The following NTPCR variants were observed in gnomAD, a reference collection of about 807,000 sequenced individuals.
NTPCR encodes nucleoside-triphosphatase, cancer-related.
NTPCR carries 15 observed loss-of-function variants against 19.5 expected under a neutral mutation model. That is an observed-to-expected ratio of 0.77 (90% CI 0.51 to 1.18). The LOEUF (loss-of-function observed/expected upper bound fraction) is 1.18, where lower values mean the gene tolerates loss of function less well. NTPCR is among the 50% of genes most tolerant of loss of function. The probability of loss-of-function intolerance (pLI) is 0.00; values close to 1 mark genes in which losing one functional copy is unlikely to be tolerated. For synonymous variants in NTPCR, 90 were observed against 95.8 expected (o/e 0.94, Z 0.36); for missense variants, 206 against 240.4 (o/e 0.86, Z 0.95).
intron 4 of NTPCR, among the ~76,000 whole-genome samples, chr1:232,972,555 A>T (rs1418639976): frequency 6.6e-6 from 1 of 152,096 alleles, no homozygotes; most frequent in Non-Finnish European, 1.5e-5. Context: ...CCTCCCAAAA[A>T]GCTGGGACTA....
intron 1 of NTPCR, among the ~76,000 whole-genome samples, chr1:232,954,802 C>A (rs1267310163): frequency 6.6e-6 from 1 of 152,094 alleles, no homozygotes; most frequent in Non-Finnish European, 1.5e-5. Context: ...GCTTACAAAC[C>A]AGTGAGTTCA....
intron 1 of NTPCR, among the ~76,000 whole-genome samples, chr1:232,952,196 A>G (rs1281134131): frequency 2.6e-5 from 4 of 152,080 alleles, no homozygotes; most frequent in East Asian, 1.9e-4. Flanking sequence ...ATAGTAATCT[A>G]TGATTTCTTT....
chr1:232,970,301 CA>C (rs1314395533), intron 4 of NTPCR, among the ~76,000 whole-genome samples, 183 bp downstream of exon 4: 1 of 152,042 alleles, frequency 6.6e-6, no homozygotes, highest in Non-Finnish European at 1.5e-5. Context: ...GATGAAAAAA[CA>C]AACTCGCTTA....
At chr1:232,977,880 G>A (rs534415080) in intron 4 of NTPCR, among the ~76,000 whole-genome samples, 6 of 152,204 alleles carry the variant, frequency 3.9e-5, no homozygotes, top group East Asian at 3.9e-4. Flanking sequence ...GGTGTGCCTC[G>A]TCGGACTCAC....
At chr1:232,970,319 G>T (rs921893846) in intron 4 of NTPCR, among the ~76,000 whole-genome samples, 2 of 152,084 alleles carry the variant, frequency 1.3e-5, no homozygotes, top group African/African-American at 4.8e-5. Context: ...CTTATGGGGG[G>T]GCCTCCTGAC....
At chr1:232,967,092 A>T (rs1213380759) in intron 3 of NTPCR, 1 of 152,168 alleles carries the variant, frequency 6.6e-6, no homozygotes, top group East Asian at 1.9e-4. Flanking sequence ...CTGGGCCCCT[A>T]TTGTTCTAAG....
In NTPCR at chr1:232,959,212, G is replaced by T. The variant is rs142126909; in HGVS notation, c.294+2769G>T. ...GTGGTTTCCCCCATGCTGTTCTCCC[G>T]ATAGTGAGGGAGTTCTCATGAGATC... On this transcript the variant is annotated intron_variant, in intron 3 of 4. Coordinates refer to ENST00000366628, the MANE Select transcript of NTPCR (RefSeq NM_032324.3). 1.6e-3 allele frequency among the ~76,000 whole-genome samples: 238 copies of T among 152,208 alleles called. 1 individual carries two copies. The highest frequency in any genetic ancestry group is 3.4e-3 in the Middle Eastern group (1 of 294).
In NTPCR at chr1:232,956,440, G is replaced by A. The variant is rs747924225; in HGVS notation, c.291G>A (p.Arg97=). ...AGCAGTTGGCACTACCCGTCTTGAG[G>A]AATGTGAGTACGTGATTTCTGCTTT... ...SFEQLALPVL[R]NADCSSGPGQ... The change falls in exon 3 of 5, where the codon AGG becomes AGA. Residue 97 remains arginine (R), a synonymous_variant. Coordinates refer to ENST00000366628, the MANE Select transcript of NTPCR (RefSeq NM_032324.3). 1.9e-6 allele frequency: 3 copies of A among 1,604,050 alleles called. No homozygotes were observed. The South Asian group carries it at 3.3e-5, about 18-fold the overall frequency.
At position 232,980,378 on chromosome 1, in the gene NTPCR, C is replaced by A. The variant is rs964994891; in HGVS notation, c.*2147C>A. 6.6e-6 allele frequency: 1 copy of A among 152,198 alleles called. No individual in the cohort carries two copies. The allele number at this position is 152,198 out of a possible 1,614,324, so 9.4% of individuals were successfully genotyped here. A position where few individuals can be genotyped will look rare whatever the true frequency, so the allele number is the denominator to read the frequency against. Reference sequence around the variant, plus strand: ...CGGTGACAAAGGAGATTTGAACCCACGTCTGCGTGGCTCCAAAGTTCACTC... The same window carrying A: ...CGGTGACAAAGGAGATTTGAACCCAAGTCTGCGTGGCTCCAAAGTTCACTC... On this transcript the variant is annotated 3_prime_UTR_variant, in exon 5 of 5. Coordinates refer to ENST00000366628, the MANE Select transcript of NTPCR (RefSeq NM_032324.3).
chr1:232,955,481 A>T, intron 1 of NTPCR, 76 bp from the exon 2 acceptor site: 1 of 1,258,014 alleles, frequency 7.9e-7, no homozygotes. Flanking sequence ...AGAGTCCACA[A>T]GTGCTGTGTG....
intron 3 of NTPCR, 80 bp downstream of exon 3, chr1:232,956,523 C>G (rs1196430289): frequency 1.0e-6 from 1 of 982,416 alleles, no homozygotes; most frequent in Non-Finnish European, 1.6e-6. Context: ...AACAGAATGC[C>G]TTTTGCTCTT....
intron 3 of NTPCR, among the ~76,000 whole-genome samples, chr1:232,959,265 C>G (rs1002433846): frequency 6.6e-6 from 1 of 152,146 alleles, no homozygotes; most frequent in African/African-American, 2.4e-5. Flanking sequence ...GCAGTTTCCC[C>G]TGCACTCTCT....
chr1:232,970,294 GA>G (rs1231791509), intron 4 of NTPCR, among the ~76,000 whole-genome samples, 176 bp downstream of exon 4: 1 of 152,148 alleles, frequency 6.6e-6, no homozygotes, highest in Admixed American at 6.5e-5. Flanking sequence ...TCTACTTGAT[GA>G]AAAAACAAAC....
intron 3 of NTPCR, among the ~76,000 whole-genome samples, chr1:232,960,087 T>A (rs1668627658): frequency 6.6e-6 from 1 of 151,500 alleles, no homozygotes; most frequent in Non-Finnish European, 1.5e-5. Context: ...TGGTGGCACA[T>A]GCCCGTGTCC....
intron 3 of NTPCR, chr1:232,963,606 A>G (rs561342776): frequency 2.0e-5 from 3 of 152,138 alleles, no homozygotes; most frequent in South Asian, 4.1e-4. Flanking sequence ...ACCACACTCC[A>G]TTAGGAGGAA....
At chr1:232,954,992 T>C (rs1317342005) in intron 1 of NTPCR, among the ~76,000 whole-genome samples, 1 of 152,214 alleles carries the variant, frequency 6.6e-6, no homozygotes, top group African/African-American at 2.4e-5. Flanking sequence ...CTTGCTGTTA[T>C]GAAAAAGTTT....
In NTPCR at chr1:232,958,649, A is replaced by T. The variant is rs1668582219; in HGVS notation, c.294+2206A>T. ...TTCTTCCCCAATTCCTTCCTCTTGG[A>T]ACTTACCCTCAGTTCCTGTGCTGGG... is the stretch of plus-strand genomic sequence containing the variant. On this transcript the variant is annotated intron_variant, in intron 3 of 4. Coordinates refer to ENST00000366628, the MANE Select transcript of NTPCR (RefSeq NM_032324.3). Among the ~76,000 whole-genome samples the T allele has an allele frequency of 3.3e-5, 5 of 152,216 alleles. No homozygotes were observed. The South Asian group carries it at 1.0e-3, about 32-fold the overall frequency.
At chr1:232,959,168 AG>A (rs1571955656) in intron 3 of NTPCR, among the ~76,000 whole-genome samples, 1 of 151,914 alleles carries the variant, frequency 6.6e-6, no homozygotes, top group East Asian at 1.9e-4. Flanking sequence ...ACCTGAAGGG[AG>A]GTGATTGGAT....
intron 3 of NTPCR, chr1:232,964,713 C>T (rs1416232530): frequency 1.3e-5 from 2 of 152,176 alleles, no homozygotes; most frequent in East Asian, 3.8e-4. Flanking sequence ...CTGTGCTTCT[C>T]TCTATTTGTA....
Sources: allele counts gnomAD v4.1 joint callset (sites outside exome capture counted in the v4.1 genomes callset), GRCh38; gene constraint gnomAD v4.1.1; transcripts MANE v1.5; gene names NCBI Gene and HGNC (gene_info 2026-07-23, HGNC 2026-07-21).